The following DGKB variants were observed in gnomAD, a reference collection of about 807,000 sequenced individuals.
DGKB encodes the protein diacylglycerol kinase beta.
A neutral mutation model predicts 114.3 loss-of-function variants in DGKB; 67 were observed. That is an observed-to-expected ratio of 0.59 (90% confidence interval 0.48 to 0.72). The LOEUF (loss-of-function observed/expected upper bound fraction) is 0.72, where lower values mean the gene tolerates loss of function less well. Ranked by LOEUF, DGKB falls within the 30% of genes least tolerant of loss-of-function variation. The pLI is 0.00. For missense variants in DGKB, 907 were observed against 975.2 expected, an observed-to-expected ratio of 0.93 and a Z score of 0.93; for synonymous variants, 398 against 323.1, an observed-to-expected ratio of 1.23 and a Z score of -2.49.
intron 20 of DGKB, among the ~76,000 whole-genome samples, chr7:14,486,971 A>G (rs1783910916): frequency 2.0e-5 from 3 of 152,224 alleles, no homozygotes; most frequent in Admixed American, 2.0e-4. Context: ...ATTTAACTGA[A>G]GTAAAAGATT....
intron 14 of DGKB, among the ~76,000 whole-genome samples, chr7:14,626,214 C>T (rs1050095431): frequency 2.0e-5 from 3 of 152,130 alleles, no homozygotes; most frequent in Non-Finnish European, 2.9e-5. Flanking sequence ...TGTTATCGAT[C>T]GCTGGCAAAC....
intron 13 of DGKB, among the ~76,000 whole-genome samples, chr7:14,668,640 CCTCA>C (rs1018603591): frequency 6.6e-6 from 1 of 152,048 alleles, no homozygotes; most frequent in African/African-American, 2.4e-5. Context: ...TCAATTCCTA[CCTCA>C]CTCACTCTCA....
chr7:14,253,303 A>C (rs753662449), intron 23 of DGKB, among the ~76,000 whole-genome samples: 10 of 152,050 alleles, frequency 6.6e-5, no homozygotes, highest in Non-Finnish European at 1.5e-4. Flanking sequence ...AAATGCTGGG[A>C]TTATAGGCAT....
intron 1 of DGKB, among the ~76,000 whole-genome samples, chr7:14,870,528 T>C (rs1433955954): frequency 9.9e-5 from 15 of 152,210 alleles, no homozygotes; most frequent in Admixed American, 9.8e-4. Flanking sequence ...CCAGGTGTGA[T>C]GGCTCATGCC....
intron 23 of DGKB, among the ~76,000 whole-genome samples, chr7:14,247,269 G>C (rs543839760): frequency 6.6e-6 from 1 of 152,084 alleles, no homozygotes; most frequent in Non-Finnish European, 1.5e-5. Flanking sequence ...CAAATACTAA[G>C]GTTGGTTTCA....
chr7:14,936,447 G>T (rs890186601), intron 1 of DGKB, among the ~76,000 whole-genome samples: 2 of 152,010 alleles, frequency 1.3e-5, no homozygotes, highest in Admixed American at 6.6e-5. Context: ...CCTTCTGAAG[G>T]GTACAGTAGG....
intron 2 of DGKB, among the ~76,000 whole-genome samples, chr7:14,767,209 TA>T (rs147028134): frequency 0.011 from 1,634 of 150,652 alleles, 15 homozygotes; most frequent in African/African-American, 0.037. Context: ...AATAAAAAAT[TA>T]AAAAAAAAAT....
At chr7:14,285,269 G>C (rs891287476) in intron 23 of DGKB, among the ~76,000 whole-genome samples, 1 of 152,150 alleles carries the variant, frequency 6.6e-6, no homozygotes, top group South Asian at 2.1e-4. Flanking sequence ...TGAAAAAGAC[G>C]TGCAACTTAC....
intron 1 of DGKB, among the ~76,000 whole-genome samples, chr7:14,929,975 C>G (rs1202010730): frequency 6.6e-6 from 1 of 152,030 alleles, no homozygotes; most frequent in Non-Finnish European, 1.5e-5. Flanking sequence ...TTATTGAAAA[C>G]TGTGTCCTTT....
rs557555172 is a variant in DGKB at position 14,622,099 on chromosome 7, A to G, written c.1168-605T>C. On this transcript the variant is annotated intron_variant, in intron 14 of 25. Coordinates refer to ENST00000402815, the MANE Select transcript of DGKB (RefSeq NM_001350709.2). ...AATCAACTTGTATCACCATTACTCCACCAAACTATCTTTTACTAAAATCAC... is the reference window on the plus strand; with the variant it reads ...AATCAACTTGTATCACCATTACTCCGCCAAACTATCTTTTACTAAAATCAC... 1.1e-4 allele frequency among the ~76,000 whole-genome samples: 17 copies of G among 152,062 alleles called. No individual in the cohort carries two copies. In the South Asian group the frequency reaches 3.5e-3, roughly 32 times the overall value.
At chr7:14,766,613 A>C (rs1344093974) in intron 2 of DGKB, among the ~76,000 whole-genome samples, 8 of 151,926 alleles carry the variant, frequency 5.3e-5, no homozygotes, top group Non-Finnish European at 4.4e-5. Flanking sequence ...ATTATTTATG[A>C]GTGTGGAACC....
intron 7 of DGKB, among the ~76,000 whole-genome samples, chr7:14,700,285 C>G (rs979216870): frequency 2.0e-5 from 3 of 149,992 alleles, no homozygotes; most frequent in Admixed American, 1.3e-4. Context: ...ACGATCTCGG[C>G]TCACTGCAAC....
intron 20 of DGKB, among the ~76,000 whole-genome samples, chr7:14,526,526 A>G (rs998198549): frequency 6.6e-6 from 1 of 152,162 alleles, no homozygotes; most frequent in Non-Finnish European, 1.5e-5. Flanking sequence ...AAAAGAAATA[A>G]AAGATTTTGA....
intron 21 of DGKB, among the ~76,000 whole-genome samples, chr7:14,448,315 G>C (rs2128830664): frequency 6.6e-6 from 1 of 152,200 alleles, no homozygotes. Flanking sequence ...GAAAGTTGTG[G>C]TTGATCTCAT....
intron 21 of DGKB, among the ~76,000 whole-genome samples, chr7:14,380,542 G>T (rs1296234874): frequency 6.6e-6 from 1 of 151,908 alleles, no homozygotes; most frequent in Non-Finnish European, 1.5e-5. Context: ...GTTCAAATAG[G>T]ATATATACCA....
At chr7:14,650,820 C>T (rs1814287519) in intron 13 of DGKB, among the ~76,000 whole-genome samples, 1 of 146,812 alleles carries the variant, frequency 6.8e-6, no homozygotes, top group South Asian at 2.2e-4. Flanking sequence ...GGGATATCAC[C>T]ACAGATCCCA....
chr7:14,518,213 A>G (rs1789163292), intron 20 of DGKB, among the ~76,000 whole-genome samples: 1 of 152,176 alleles, frequency 6.6e-6, no homozygotes, highest in Non-Finnish European at 1.5e-5. Context: ...ACACATGACC[A>G]GAAAACAAAA....
chr7:14,360,207 A>T (rs937639231), intron 21 of DGKB, among the ~76,000 whole-genome samples: 1 of 152,034 alleles, frequency 6.6e-6, no homozygotes, highest in African/African-American at 2.4e-5. Context: ...GTAAACTATC[A>T]CAAGGACAGA....
intron 1 of DGKB, among the ~76,000 whole-genome samples, chr7:14,946,650 T>C (rs1785900420): frequency 1.3e-5 from 2 of 151,670 alleles, no homozygotes; most frequent in Non-Finnish European, 3.0e-5. Flanking sequence ...AATCTGTCAT[T>C]ATATGAGTGG....
Sources: gnomAD v4.1 joint callset for allele counts (sites outside exome capture counted in the v4.1 genomes callset) on GRCh38, gnomAD v4.1.1 for gene constraint, MANE v1.5 for transcripts, NCBI Gene and HGNC (gene_info 2026-07-23, HGNC 2026-07-21) for gene names.